IGSF10: variants seen among roughly 807,000 people sequenced by gnomAD.
IGSF10 encodes the protein immunoglobulin superfamily member 10.
Under a neutral mutation model 128.2 loss-of-function variants are expected in IGSF10, and 126 were observed. That is an observed-to-expected ratio of 0.98 (90% CI 0.85 to 1.14). The LOEUF is 1.14. IGSF10 is among the 50% of genes most tolerant of loss of function. The pLI, the probability that IGSF10 is intolerant of heterozygous loss-of-function variation, is 0.00. For synonymous variants in IGSF10, 1,185 were observed against 1,146.2 expected, an observed-to-expected ratio of 1.03 and a Z score of -0.68; for missense variants, 3,295 against 3,149.8, an observed-to-expected ratio of 1.05 and a Z score of -1.10.
At chr3:151,478,681 A>G in the IGSF10 span, among the ~76,000 whole-genome samples, 1 of 152,212 alleles carries the variant, frequency 6.6e-6, no homozygotes, top group African/African-American at 2.4e-5. Context: ...TCATAAGAAG[A>G]CAATCAAATT....
chr3:151,433,824 A>G (rs926570670), downstream of IGSF10: 1 of 152,638 alleles, frequency 6.6e-6, no homozygotes, highest in African/African-American at 2.4e-5. Flanking sequence ...TTTGAATTTA[A>G]TTATTACTGT....
chr3:151,499,376 AT>A, the IGSF10 span, among the ~76,000 whole-genome samples: 2 of 152,152 alleles, frequency 1.3e-5, no homozygotes, highest in Non-Finnish European at 2.9e-5. Context: ...GTTTTCTGCA[AT>A]AAAAAACACG....
chr3:151,585,014 A>T, the IGSF10 span, among the ~76,000 whole-genome samples: 1 of 152,160 alleles, frequency 6.6e-6, no homozygotes, highest in South Asian at 2.1e-4. Context: ...TTTTACATTT[A>T]GTCCTTTTAA....
At chr3:151,556,545 T>G in the IGSF10 span, among the ~76,000 whole-genome samples, 4 of 152,002 alleles carry the variant, frequency 2.6e-5, no homozygotes, top group Non-Finnish European at 5.9e-5. Context: ...TAGCCAAATT[T>G]GTTAAAGAAA....
the IGSF10 span, among the ~76,000 whole-genome samples, chr3:151,563,137 G>A: frequency 7.2e-5 from 11 of 152,038 alleles, no homozygotes; most frequent in Admixed American, 7.2e-4. Context: ...GTCATTCATA[G>A]GGTATGCTTG....
chr3:151,619,682 G>A, the IGSF10 span, among the ~76,000 whole-genome samples: 3 of 152,108 alleles, frequency 2.0e-5, no homozygotes, highest in East Asian at 1.9e-4. Context: ...ATTTGTTAGA[G>A]GCTTGATCCC....
the IGSF10 span, among the ~76,000 whole-genome samples, chr3:151,471,887 AC>A: frequency 6.6e-6 from 1 of 152,236 alleles, no homozygotes; most frequent in African/African-American, 2.4e-5. Flanking sequence ...CAGCTTCCTT[AC>A]GACGACTTAT....
the IGSF10 span, among the ~76,000 whole-genome samples, chr3:151,497,652 G>A: frequency 6.6e-6 from 1 of 152,102 alleles, no homozygotes; most frequent in East Asian, 1.9e-4. Flanking sequence ...TTGACTTGGT[G>A]ATGTGGGTTC....
the IGSF10 span, among the ~76,000 whole-genome samples, chr3:151,595,772 G>C: frequency 6.6e-6 from 1 of 150,586 alleles, no homozygotes; most frequent in Non-Finnish European, 1.5e-5. Flanking sequence ...GAATAGAAAG[G>C]TGGTTACTAG....
the IGSF10 span, among the ~76,000 whole-genome samples, chr3:151,576,589 C>T: frequency 6.6e-6 from 1 of 152,152 alleles, no homozygotes; most frequent in South Asian, 2.1e-4. Context: ...CACAAAGACC[C>T]TGCTGATAAA....
the IGSF10 span, among the ~76,000 whole-genome samples, chr3:151,544,957 T>C: frequency 6.6e-6 from 1 of 152,192 alleles, no homozygotes; most frequent in Non-Finnish European, 1.5e-5. Flanking sequence ...TCCATCTGTC[T>C]CTTGGTTTCT....
chr3:151,480,366 C>T, the IGSF10 span, among the ~76,000 whole-genome samples: 1 of 152,098 alleles, frequency 6.6e-6, no homozygotes, highest in Non-Finnish European at 1.5e-5. Context: ...AAAAGGTAAG[C>T]AATAGGATCC....
the IGSF10 span, among the ~76,000 whole-genome samples, chr3:151,575,815 T>C: frequency 2.6e-5 from 4 of 152,180 alleles, no homozygotes; most frequent in African/African-American, 9.7e-5. Flanking sequence ...TTGATCACAC[T>C]GGGAGCTGCA....
chr3:151,528,699 G>T, the IGSF10 span, among the ~76,000 whole-genome samples: 14 of 152,174 alleles, frequency 9.2e-5, no homozygotes, highest in Non-Finnish European at 1.8e-4. Flanking sequence ...CTTTGCAACT[G>T]GCAGACCAGG....
the IGSF10 span, among the ~76,000 whole-genome samples, chr3:151,588,730 TA>T: frequency 3.0e-4 from 45 of 152,332 alleles, no homozygotes; most frequent in African/African-American, 9.9e-4. Context: ...ATCTCTGCCC[TA>T]ATGGGGCTTA....
Position 151,446,386 on chromosome 3 carries a change from A to C in IGSF10, c.3595T>G (p.Ser1199Ala), listed in dbSNP as rs16863403. Residue 1199 changes from serine to alanine, a missense_variant, in exon 6 of 8, where the codon TCA becomes GCA. Physicochemically the swap from Ser to Ala is moderately conservative, Grantham distance 99. Coordinates refer to ENST00000282466, the MANE Select transcript of IGSF10 (RefSeq NM_178822.5). ...TGTTGCCAGGGAATTTTCCTTCTTG[A>C]AAACCTTGTAATGGCTATAATAGTC... The part of the protein sequence containing the change: ...PMTIIAITRF[S>A]RRKIPWQQNF... 0.014 allele frequency: 21,883 copies of C among 1,612,992 alleles called. 784 individuals are homozygous for C. The highest frequency in any genetic ancestry group is 0.11 in the African/African-American group (7,990 of 74,976).
downstream of IGSF10, chr3:151,435,319 C>T (rs1489690908): frequency 6.7e-6 from 1 of 150,290 alleles, no homozygotes; most frequent in Admixed American, 6.7e-5. Context: ...TAGGCTTTTT[C>T]TTAATAGGGT....
At chr3:151,601,504 A>G in the IGSF10 span, among the ~76,000 whole-genome samples, 2 of 152,220 alleles carry the variant, frequency 1.3e-5, no homozygotes, top group Admixed American at 1.3e-4. Context: ...CACACTTAAC[A>G]AATAAGAAAC....
chr3:151,502,933 G>A, the IGSF10 span, among the ~76,000 whole-genome samples: 5 of 151,950 alleles, frequency 3.3e-5, no homozygotes, highest in Non-Finnish European at 4.4e-5. Context: ...TTAGTGAGAA[G>A]GACAGATATT....
Sources: allele counts gnomAD v4.1 joint callset (sites outside exome capture counted in the v4.1 genomes callset), GRCh38; gene constraint gnomAD v4.1.1; transcripts MANE v1.5; gene names NCBI Gene and HGNC (gene_info 2026-07-23, HGNC 2026-07-21).